Variants in FAM162A observed in about 807,000 individuals in gnomAD.
FAM162A encodes the protein protein FAM162A.
Under a neutral mutation model 21.8 loss-of-function variants are expected in FAM162A, and 23 were observed. The ratio of observed to expected loss-of-function variants is 1.05; its 90% confidence interval spans 0.76 to 1.49. The LOEUF (loss-of-function observed/expected upper bound fraction) is 1.49, where lower values mean the gene tolerates loss of function less well. Among genes scored for constraint, FAM162A ranks in the 40% most tolerant of loss-of-function variants. FAM162A has a pLI of 0.00. For missense variants in FAM162A, 165 were observed against 186.4 expected, an observed-to-expected ratio of 0.89 and a Z score of 0.67; for synonymous variants, 53 against 61.3, an observed-to-expected ratio of 0.86 and a Z score of 0.64.
chr3:122,409,306 G>C (rs548024390), intron 4 of FAM162A, among the ~76,000 whole-genome samples: 1 of 152,310 alleles, frequency 6.6e-6, no homozygotes, highest in East Asian at 1.9e-4. Context: ...TGGTAAAAGA[G>C]AAGTGAGGAA....
intron 1 of FAM162A, among the ~76,000 whole-genome samples, chr3:122,386,555 C>CT (rs2075575330): frequency 9.1e-6 from 1 of 109,404 alleles, no homozygotes; most frequent in South Asian, 2.8e-4. Context: ...GAGACCCTGT[C>CT]TAAAAAAAAA....
chr3:122,398,976 T>C (rs948243421), intron 1 of FAM162A, among the ~76,000 whole-genome samples: 3 of 152,162 alleles, frequency 2.0e-5, no homozygotes, highest in Non-Finnish European at 4.4e-5. Flanking sequence ...GCAGGTTTGT[T>C]ATATAGGTAA....
rs201123600 is a variant in FAM162A at position 122,409,843 on chromosome 3, G to C, written c.*12G>C. On this transcript the variant is annotated 3_prime_UTR_variant, in exon 5 of 5. Transcript: ENST00000477892. ...CCAAAACAGAGTAGCAGAGGTATCCGTGTTGGCTGGATTTTGAAAATCCAG... is the reference window on the plus strand; with the variant it reads ...CCAAAACAGAGTAGCAGAGGTATCCCTGTTGGCTGGATTTTGAAAATCCAG... 27 of 1,609,992 alleles carry C rather than the reference G, an allele frequency of 1.7e-5. No homozygotes were observed. Among genetic ancestry groups the C allele is most frequent in the Non-Finnish European group, 2.2e-5 (26 of 1,176,376 alleles).
rs1275244643 is a variant in FAM162A at position 122,384,282 on chromosome 3, G to A, written c.17G>A (p.Gly6Asp). MGSLS[G>D]LRLAAGSCFR... Reference sequence around the variant, plus strand: ...CAAGTGGCCATGGGGAGCCTCAGCGGTCTGCGCCTGGCAGCAGGTGAGACG... The same window carrying A: ...CAAGTGGCCATGGGGAGCCTCAGCGATCTGCGCCTGGCAGCAGGTGAGACG... The change falls in exon 1 of 5, where the codon GGT becomes GAT. Residue 6 changes from glycine (G) to aspartate (D), a missense_variant. Physicochemically the swap from Gly to Asp is moderately conservative, Grantham distance 94. Coordinates refer to ENST00000477892, the MANE Select transcript of FAM162A (RefSeq NM_014367.4). 2 of 1,579,344 alleles carry A rather than the reference G, an allele frequency of 1.3e-6. No individual in the cohort carries two copies. Among genetic ancestry groups the A allele is most frequent in the Admixed American group, 1.8e-5 (1 of 54,380 alleles).
intron 4 of FAM162A, chr3:122,407,592 T>C: frequency 4.0e-6 from 2 of 504,914 alleles, no homozygotes; most frequent in Middle Eastern, 5.2e-4. Flanking sequence ...ATCCTAACTT[T>C]GGCGTGGTGA....
rs552291626 is a variant in FAM162A, at chr3:122,390,402, G to C, written c.34+6103G>C. On this transcript the variant is annotated intron_variant, in intron 1 of 4. Coordinates refer to ENST00000477892, the MANE Select transcript of FAM162A (RefSeq NM_014367.4). Reference sequence around the variant, plus strand: ...AGATAGACACTCTGGGGAGTGGGTTGTAATATTGATTCTCTGATTCCCAGA... The same window carrying C: ...AGATAGACACTCTGGGGAGTGGGTTCTAATATTGATTCTCTGATTCCCAGA... Among the ~76,000 whole-genome samples, 14 of 152,286 alleles carry C rather than the reference G, an allele frequency of 9.2e-5. No individual in the cohort carries two copies. The South Asian group carries it at 2.9e-3, about 32-fold the overall frequency.
At chr3:122,403,790 A>G (rs1328903786) in intron 2 of FAM162A, among the ~76,000 whole-genome samples, 1 of 151,590 alleles carries the variant, frequency 6.6e-6, no homozygotes, top group African/African-American at 2.4e-5. Context: ...CACTGCGACA[A>G]CTCTGGTTCA....
chr3:122,390,400 T>C (rs930481768), intron 1 of FAM162A, among the ~76,000 whole-genome samples: 4 of 152,186 alleles, frequency 2.6e-5, no homozygotes, highest in African/African-American at 9.6e-5. Context: ...GGGGAGTGGG[T>C]TGTAATATTG....
At chr3:122,402,530 C>T (rs751298418) in intron 1 of FAM162A, among the ~76,000 whole-genome samples, 1 of 152,164 alleles carries the variant, frequency 6.6e-6, no homozygotes, top group African/African-American at 2.4e-5. Context: ...CAGCTGATAA[C>T]ATTTTTATGT....
chr3:122,396,935 A>G (rs1290629867), intron 1 of FAM162A, among the ~76,000 whole-genome samples: 1 of 94,066 alleles, frequency 1.1e-5, no homozygotes, highest in African/African-American at 4.4e-5. Context: ...AGAGACTGTG[A>G]CTTTTAGGGT....
intron 1 of FAM162A, among the ~76,000 whole-genome samples, chr3:122,401,169 T>A (rs2075651982): frequency 6.6e-6 from 1 of 152,198 alleles, no homozygotes; most frequent in Non-Finnish European, 1.5e-5. Flanking sequence ...TTATTTTTTC[T>A]TATTATTATA....
In FAM162A at chr3:122,388,771, C is replaced by T. The variant is rs148735854; in HGVS notation, c.34+4472C>T. On this transcript the variant is annotated intron_variant, in intron 1 of 4. Coordinates refer to ENST00000477892, the MANE Select transcript of FAM162A (RefSeq NM_014367.4). ...GAATCTAAAAAAATGTATTCATGAC[C>T]GGGCACGGTGGCTCAAGCTTGTAAT... 5.3e-5 allele frequency among the ~76,000 whole-genome samples: 8 copies of T among 152,212 alleles called. No individual in the cohort carries two copies. In the East Asian group the frequency reaches 9.7e-4, roughly 18 times the overall value.
chr3:122,388,468 A>G (rs1212468975), intron 1 of FAM162A, among the ~76,000 whole-genome samples: 1 of 152,210 alleles, frequency 6.6e-6, no homozygotes, highest in Non-Finnish European at 1.5e-5. Flanking sequence ...TATGGGAGCA[A>G]TTAGTCTGGA....
chr3:122,395,264 C>T (rs1484040817), intron 1 of FAM162A, among the ~76,000 whole-genome samples: 2 of 152,082 alleles, frequency 1.3e-5, no homozygotes, highest in African/African-American at 4.8e-5. Context: ...TGGAGGTTCT[C>T]GTTAGGGAAT....
At chr3:122,390,511 C>T (rs1010273298) in intron 1 of FAM162A, among the ~76,000 whole-genome samples, 1 of 152,168 alleles carries the variant, frequency 6.6e-6, no homozygotes, top group Admixed American at 6.5e-5. Context: ...AGCATCCCTA[C>T]CTTTCCTCAC....
chr3:122,407,094 G>A (rs180686221), intron 3 of FAM162A, among the ~76,000 whole-genome samples, 187 bp from the exon 4 acceptor site: 7 of 151,498 alleles, frequency 4.6e-5, no homozygotes, highest in Non-Finnish European at 7.4e-5. Context: ...AATGAGTTAC[G>A]AAAAATGCCT....
At chr3:122,397,136 TAAC>T (rs2075632154) in intron 1 of FAM162A, among the ~76,000 whole-genome samples, 1 of 152,218 alleles carries the variant, frequency 6.6e-6, no homozygotes, top group Non-Finnish European at 1.5e-5. Context: ...TTAAAAATCT[TAAC>T]AACCATGAAC....
At chr3:122,407,413 C>G (rs1406691118) in intron 4 of FAM162A, 24 bp downstream of exon 4, 2 of 1,554,746 alleles carry the variant, frequency 1.3e-6, no homozygotes, top group African/African-American at 2.7e-5. Context: ...TCTTCTCTAT[C>G]CAGTATGTAT....
intron 1 of FAM162A, among the ~76,000 whole-genome samples, chr3:122,389,444 A>C (rs1321440925): frequency 6.6e-6 from 1 of 152,014 alleles, no homozygotes; most frequent in African/African-American, 2.4e-5. Context: ...GATGAGATAG[A>C]TAGATGGAAA....
Sources: allele counts gnomAD v4.1 joint callset (sites outside exome capture counted in the v4.1 genomes callset), GRCh38; gene constraint gnomAD v4.1.1; transcripts MANE v1.5; gene names NCBI Gene and HGNC (gene_info 2026-07-23, HGNC 2026-07-21).